CNTNAP2: variants seen among roughly 807,000 people sequenced by gnomAD.
CNTNAP2 encodes contactin-associated protein-like 2.
In CNTNAP2, 98 loss-of-function variants were observed where a neutral mutation model predicts 155.2. The observed-to-expected ratio is 0.63, with a 90% confidence interval of 0.54 to 0.75. The LOEUF is 0.75. Ranked by LOEUF, CNTNAP2 falls within the 30% of genes least tolerant of loss-of-function variation. The pLI, the probability that CNTNAP2 is intolerant of heterozygous loss-of-function variation, is 0.00. For missense variants in CNTNAP2, 1,727 were observed against 1,688.1 expected (o/e 1.02, Z -0.40); for synonymous variants, 651 against 631.2 (o/e 1.03, Z -0.47).
intron 13 of CNTNAP2, among the ~76,000 whole-genome samples, chr7:147,747,507 C>T (rs1277891691): frequency 1.3e-5 from 2 of 152,166 alleles, no homozygotes; most frequent in African/African-American, 4.8e-5. Context: ...TTGATGGACA[C>T]TTAGGTTACT....
chr7:147,817,616 C>A (rs1798287674), intron 13 of CNTNAP2, among the ~76,000 whole-genome samples: 1 of 151,894 alleles, frequency 6.6e-6, no homozygotes, highest in Non-Finnish European at 1.5e-5. Flanking sequence ...TAAAAAATAG[C>A]AAAGAAGGCC....
At chr7:147,061,560 A>T (rs529465905) in intron 4 of CNTNAP2, among the ~76,000 whole-genome samples, 2 of 135,542 alleles carry the variant, frequency 1.5e-5, no homozygotes, top group South Asian at 4.5e-4. Context: ...ACATACAGTG[A>T]TGCATGTGTG....
At chr7:146,192,179 C>A (rs1798715731) in intron 1 of CNTNAP2, among the ~76,000 whole-genome samples, 1 of 152,086 alleles carries the variant, frequency 6.6e-6, no homozygotes. Flanking sequence ...GTTCGGGGTC[C>A]CTGACTTCCC....
chr7:147,112,168 C>G (rs775187805), intron 5 of CNTNAP2, among the ~76,000 whole-genome samples: 1 of 152,036 alleles, frequency 6.6e-6, no homozygotes, highest in Non-Finnish European at 1.5e-5. Flanking sequence ...TAATTTGACT[C>G]TCTGATTGCT....
intron 1 of CNTNAP2, among the ~76,000 whole-genome samples, chr7:146,606,079 G>T (rs912035853): frequency 3.9e-5 from 6 of 152,076 alleles, no homozygotes; most frequent in Non-Finnish European, 2.9e-5. Flanking sequence ...AAGCAGATTT[G>T]ATTGCAGTCA....
intron 8 of CNTNAP2, among the ~76,000 whole-genome samples, chr7:147,153,429 G>A (rs1192348539): frequency 6.6e-6 from 1 of 152,010 alleles, no homozygotes; most frequent in Non-Finnish European, 1.5e-5. Flanking sequence ...GGTGGAGAGG[G>A]CCCTCAACAG....
intron 20 of CNTNAP2, among the ~76,000 whole-genome samples, chr7:148,262,433 G>A (rs1796579519): frequency 6.6e-6 from 1 of 152,104 alleles, no homozygotes; most frequent in South Asian, 2.1e-4. Context: ...AGTTCCAGAG[G>A]CCAGAAGTGC....
At chr7:146,142,509 G>T (rs766274388) in intron 1 of CNTNAP2, among the ~76,000 whole-genome samples, 35 of 152,164 alleles carry the variant, frequency 2.3e-4, no homozygotes, top group Non-Finnish European at 4.9e-4. Context: ...AATGAAAGAA[G>T]CTTTCTAACA....
intron 4 of CNTNAP2, among the ~76,000 whole-genome samples, chr7:147,091,990 C>T (rs1229539240): frequency 6.6e-6 from 1 of 151,698 alleles, no homozygotes; most frequent in African/African-American, 2.4e-5. Context: ...CTGCCCACCT[C>T]CACCTCCCAA....
intron 22 of CNTNAP2, among the ~76,000 whole-genome samples, chr7:148,402,095 G>A (rs1028647625): frequency 6.6e-6 from 1 of 152,144 alleles, no homozygotes; most frequent in African/African-American, 2.4e-5. Context: ...ATAAAAGTTG[G>A]TTTAAACAAT....
At chr7:146,601,350 G>T (rs1448608602) in intron 1 of CNTNAP2, among the ~76,000 whole-genome samples, 3 of 152,060 alleles carry the variant, frequency 2.0e-5, no homozygotes, top group African/African-American at 7.2e-5. Context: ...TTTTATAATT[G>T]CTGTGCCTAC....
intron 3 of CNTNAP2, among the ~76,000 whole-genome samples, chr7:146,841,262 G>T (rs191344640): frequency 6.7e-6 from 1 of 149,180 alleles, no homozygotes; most frequent in Admixed American, 6.6e-5. Context: ...AGTTAAGAAG[G>T]GGATAGAGGA....
chr7:146,979,058 G>T (rs1797965715), intron 3 of CNTNAP2, among the ~76,000 whole-genome samples: 1 of 152,114 alleles, frequency 6.6e-6, no homozygotes. Flanking sequence ...TTAATTCTGA[G>T]TCCCATGTTT....
At chr7:146,656,865 C>T (rs1170051070) in intron 1 of CNTNAP2, among the ~76,000 whole-genome samples, 1 of 152,124 alleles carries the variant, frequency 6.6e-6, no homozygotes, top group Admixed American at 6.5e-5. Context: ...AGTATTATGG[C>T]TTATTATGTC....
chr7:147,033,804 A>G (rs1193078513), intron 3 of CNTNAP2, among the ~76,000 whole-genome samples: 1 of 151,978 alleles, frequency 6.6e-6, no homozygotes, highest in Non-Finnish European at 1.5e-5. Flanking sequence ...AGGGGAAAAA[A>G]AAAAAAAAAA....
intron 18 of CNTNAP2, among the ~76,000 whole-genome samples, chr7:148,191,171 C>T (rs932318967): frequency 3.9e-5 from 6 of 152,166 alleles, no homozygotes; most frequent in African/African-American, 1.4e-4. Flanking sequence ...GTGAGGACTC[C>T]ACCCTCATGA....
At chr7:147,920,379 A>G (rs938386531) in intron 14 of CNTNAP2, among the ~76,000 whole-genome samples, 4 of 138,626 alleles carry the variant, frequency 2.9e-5, no homozygotes, top group African/African-American at 1.1e-4. Context: ...AAAAAAAAGC[A>G]TGTCTCTGAA....
At chr7:146,633,137 C>G (rs949712183) in intron 1 of CNTNAP2, among the ~76,000 whole-genome samples, 2 of 152,078 alleles carry the variant, frequency 1.3e-5, no homozygotes, top group African/African-American at 4.8e-5. Context: ...TGGAGGCATC[C>G]GATCCTGGGA....
chr7:147,912,082 G>A (rs948458629), intron 14 of CNTNAP2, among the ~76,000 whole-genome samples: 3 of 152,090 alleles, frequency 2.0e-5, no homozygotes, highest in Admixed American at 2.0e-4. Context: ...CCTATTGCTT[G>A]CTAGTTCAGT....
Sources: gnomAD v4.1 joint callset for allele counts (sites outside exome capture counted in the v4.1 genomes callset) on GRCh38, gnomAD v4.1.1 for gene constraint, MANE v1.5 for transcripts, NCBI Gene and HGNC (gene_info 2026-07-23, HGNC 2026-07-21) for gene names.